The following ODAD2 variants were observed in gnomAD, a reference collection of about 807,000 sequenced individuals.
The protein encoded by ODAD2 is outer dynein arm-docking complex subunit 2.
In ODAD2, 89 loss-of-function variants were observed where a neutral mutation model predicts 106.8. The observed-to-expected ratio is 0.83, with a 90% CI of 0.70 to 0.99. The LOEUF (loss-of-function observed/expected upper bound fraction) is 0.99, where lower values mean the gene tolerates loss of function less well. Ranked by LOEUF, ODAD2 falls within the 50% of genes least tolerant of loss-of-function variation. ODAD2 has a pLI of 0.00. For synonymous variants in ODAD2, 404 were observed against 436.2 expected (o/e 0.93, Z 0.92); for missense variants, 1,168 against 1,238.5 (o/e 0.94, Z 0.85).
intron 4 of ODAD2, 35 bp from the exon 5 acceptor site, chr10:27,984,325 T>C: frequency 2.2e-6 from 3 of 1,389,528 alleles, no homozygotes; most frequent in Non-Finnish European, 3.1e-6. Flanking sequence ...GCTTAAATAC[T>C]TTAAACAGAA....
chr10:27,839,722 A>G (rs1838172503), intron 19 of ODAD2, among the ~76,000 whole-genome samples: 1 of 152,248 alleles, frequency 6.6e-6, no homozygotes, highest in African/African-American at 2.4e-5. Context: ...ATAAAGATGT[A>G]TAATTTGCCA....
intron 19 of ODAD2, among the ~76,000 whole-genome samples, chr10:27,836,643 C>T (rs1361769869): frequency 6.6e-6 from 1 of 152,136 alleles, no homozygotes; most frequent in Non-Finnish European, 1.5e-5. Flanking sequence ...TATGAGCTTG[C>T]AGGGTTCTTA....
chr10:27,942,543 G>A (rs997661857), intron 12 of ODAD2, among the ~76,000 whole-genome samples: 2 of 152,166 alleles, frequency 1.3e-5, no homozygotes, highest in Non-Finnish European at 2.9e-5. Flanking sequence ...CTAGGTTCCT[G>A]AATGTGATGC....
chr10:27,876,869 A>G (rs973585690), intron 17 of ODAD2, among the ~76,000 whole-genome samples: 1 of 152,162 alleles, frequency 6.6e-6, no homozygotes, highest in Non-Finnish European at 1.5e-5. Flanking sequence ...CTAAAATCTG[A>G]TGTGGTCATT....
upstream of ODAD2, among the ~76,000 whole-genome samples, chr10:27,999,300 G>A (rs1022228819): frequency 1.4e-4 from 22 of 152,174 alleles, no homozygotes; most frequent in African/African-American, 5.1e-4. Flanking sequence ...GAGCAGAAAG[G>A]AAGCAGAAAA....
At position 27,862,791 on chromosome 10, in the gene ODAD2, AGT is replaced by A. The variant is rs34242294; in HGVS notation, c.2611-171_2611-170del. On this transcript the variant is annotated intron_variant, in intron 17 of 19. Transcript: ENST00000305242. The stretch of plus-strand genomic sequence containing the variant: ...ATTATTTCTACATGTATATGTATAA[AGT>A]GTGTGTGTGTACATATGTATAAGTC... Among the ~76,000 whole-genome samples the A allele has an allele frequency of 0.53, 80,116 of 151,576 alleles. 22,914 individuals carry two copies. Among genetic ancestry groups the A allele is most frequent in the Middle Eastern group, 0.68 (199 of 294 alleles).
At chr10:27,962,007 AG>A (rs1230289031) in intron 9 of ODAD2, among the ~76,000 whole-genome samples, 3 of 152,290 alleles carry the variant, frequency 2.0e-5, no homozygotes, top group Non-Finnish European at 2.9e-5. Context: ...TCTGAGCTGC[AG>A]TAAACCTTTA....
At chr10:27,949,692 C>G (rs569332857) in intron 10 of ODAD2, among the ~76,000 whole-genome samples, 1 of 152,136 alleles carries the variant, frequency 6.6e-6, no homozygotes, top group South Asian at 2.1e-4. Flanking sequence ...CAAGATTGGC[C>G]AATGTAATTT....
chr10:27,873,589 A>G (rs1296327194), intron 17 of ODAD2, among the ~76,000 whole-genome samples: 1 of 150,986 alleles, frequency 6.6e-6, no homozygotes, highest in African/African-American at 2.4e-5. Flanking sequence ...GAACATCTTT[A>G]TTTCTGCCTT....
At chr10:27,869,518 C>T (rs537727701) in intron 17 of ODAD2, among the ~76,000 whole-genome samples, 1 of 142,092 alleles carries the variant, frequency 7.0e-6, no homozygotes, top group Non-Finnish European at 1.5e-5. Context: ...GACTAAGTCA[C>T]TTTTTTTTCT....
chr10:27,939,075 T>C (rs1846200509), intron 14 of ODAD2, among the ~76,000 whole-genome samples: 1 of 152,098 alleles, frequency 6.6e-6, no homozygotes, highest in African/African-American at 2.4e-5. Context: ...TACTATGAAA[T>C]GTATCATACA....
Position 27,985,204 on chromosome 10 carries a change from T to C in ODAD2, c.390A>G (p.Arg130=), listed in dbSNP as rs12777433. 2.6e-3 allele frequency: 3,897 copies of C among 1,510,956 alleles called. 7 individuals are homozygous for C. Among genetic ancestry groups the C allele is most frequent in the Non-Finnish European group, 3.2e-3 (3,598 of 1,136,598 alleles). 93.6% of individuals were successfully genotyped at this position (1,510,956 alleles called of 1,614,324 possible). A position where few individuals can be genotyped will look rare whatever the true frequency, so the allele number is the denominator to read the frequency against. The change falls in exon 4 of 20, where the codon AGA becomes AGG. Residue 130 remains arginine (R), a synonymous_variant. Coordinates refer to ENST00000305242, the MANE Select transcript of ODAD2 (RefSeq NM_018076.5). The part of the protein sequence containing the change: ...KEAQACVEAN[R]DPIVKILGSD... Reference sequence around the variant, plus strand: ...AGCCCAGGATTTTTACTATGGGGTCTCTGTTAGCTGCCAAAAAAAAAAAAA... The same window carrying C: ...AGCCCAGGATTTTTACTATGGGGTCCCTGTTAGCTGCCAAAAAAAAAAAAA...
intron 16 of ODAD2, 129 bp downstream of exon 16, chr10:27,934,881 A>G (rs1390708745): frequency 8.3e-7 from 1 of 1,206,556 alleles, no homozygotes; most frequent in East Asian, 2.4e-5. Flanking sequence ...ACTTGTGATT[A>G]TTTATATGAC....
chr10:27,823,235 A>T (rs1027202713), intron 19 of ODAD2, among the ~76,000 whole-genome samples: 1 of 152,226 alleles, frequency 6.6e-6, no homozygotes. Flanking sequence ...TGGCACACAT[A>T]GGGGCTTCCT....
chr10:27,919,911 A>T (rs1053314731), intron 16 of ODAD2, among the ~76,000 whole-genome samples: 3 of 152,178 alleles, frequency 2.0e-5, no homozygotes, highest in Non-Finnish European at 4.4e-5. Context: ...ATGAAAACTC[A>T]CTAAACTAAA....
chr10:27,946,354 T>C (rs1433543959), intron 10 of ODAD2, among the ~76,000 whole-genome samples: 1 of 151,554 alleles, frequency 6.6e-6, no homozygotes. Flanking sequence ...GCAAATCTTC[T>C]TGTGAATTCA....
At chr10:27,924,012 A>AAGAAAGAAAGAAAGAAAGAGAGAG (rs1590035500) in intron 16 of ODAD2, among the ~76,000 whole-genome samples, 5 of 113,206 alleles carry the variant, frequency 4.4e-5, no homozygotes, top group African/African-American at 2.0e-4. Context: ...GAAAGAAAGA[A>AAGAAAGAAAGAAAGAAAGAGAGAG]AGAAAGAAAG....
chr10:27,855,786 G>T (rs1026910039), intron 19 of ODAD2, among the ~76,000 whole-genome samples: 1 of 152,136 alleles, frequency 6.6e-6, no homozygotes, highest in Admixed American at 6.6e-5. Context: ...CAATTGAACT[G>T]CTCTCCACTC....
intron 19 of ODAD2, among the ~76,000 whole-genome samples, chr10:27,850,444 C>CAAAAAAAAAAAAAA (rs10713871): frequency 1.1e-5 from 1 of 89,572 alleles, no homozygotes; most frequent in Non-Finnish European, 2.2e-5. Flanking sequence ...GACTCCGTCT[C>CAAAAAAAAAAAAAA]AAAAAAAAAA....
Sources: gnomAD v4.1 joint callset for allele counts (sites outside exome capture counted in the v4.1 genomes callset) on GRCh38, gnomAD v4.1.1 for gene constraint, MANE v1.5 for transcripts, NCBI Gene and HGNC (gene_info 2026-07-23, HGNC 2026-07-21) for gene names.